The following IGF1R variants were observed in gnomAD, a reference collection of about 807,000 sequenced individuals.
IGF1R encodes insulin like growth factor 1 receptor, also known as insulin-like growth factor 1 receptor.
A neutral mutation model predicts 144.6 loss-of-function variants in IGF1R; 44 were observed. The ratio of observed to expected loss-of-function variants is 0.30; its 90% confidence interval spans 0.24 to 0.39. IGF1R has a LOEUF of 0.39. Among genes scored for constraint, IGF1R ranks in the 10% least tolerant of loss-of-function variants. IGF1R has a pLI of 1.00. For missense variants in IGF1R, 1,355 were observed against 1,833.7 expected (o/e 0.74, Z 4.77); for synonymous variants, 795 against 722.8 (o/e 1.10, Z -1.60).
chr15:98,960,071 CTT>C lies in IGF1R; in HGVS notation c.*2630_*2631del. The C allele has an allele frequency of 4.3e-6, 1 of 233,486 alleles. No individual in the cohort carries two copies. The highest frequency in any genetic ancestry group is 6.0e-5 in the East Asian group (1 of 16,570). The allele number at this position is 233,486 out of a possible 1,614,324, so 14.5% of individuals were successfully genotyped here. ...CCCCCAAACATTTATCTACCTCACT[CTT>C]ATTTTTTATATGTGTATATAGACAA... On this transcript the variant is annotated 3_prime_UTR_variant, in exon 21 of 21. Coordinates refer to ENST00000650285, the MANE Select transcript of IGF1R (RefSeq NM_000875.5).
At chr15:98,898,385 A>T (rs2014309213) in intron 4 of IGF1R, among the ~76,000 whole-genome samples, 1 of 152,212 alleles carries the variant, frequency 6.6e-6, no homozygotes, top group African/African-American at 2.4e-5. Flanking sequence ...GTTTATGTCC[A>T]TTGCAGGAAA....
chr15:98,840,537 A>C (rs1871396160), intron 2 of IGF1R, among the ~76,000 whole-genome samples: 2 of 151,730 alleles, frequency 1.3e-5, no homozygotes, highest in Admixed American at 6.6e-5. Flanking sequence ...GCAACCTCCA[A>C]CTCCTGGGTT....
intron 2 of IGF1R, among the ~76,000 whole-genome samples, chr15:98,769,598 C>G (rs1047616049): frequency 2.0e-5 from 3 of 152,162 alleles, no homozygotes; most frequent in South Asian, 4.1e-4. Context: ...GCGTGTTGTA[C>G]TGCTAGTAAT....
intron 2 of IGF1R, among the ~76,000 whole-genome samples, chr15:98,846,046 A>G (rs1439333874): frequency 1.3e-5 from 2 of 152,208 alleles, no homozygotes; most frequent in Non-Finnish European, 2.9e-5. Flanking sequence ...TTTTTCTAAA[A>G]GACAGTAATA....
At chr15:98,769,092 T>C (rs973221927) in intron 2 of IGF1R, among the ~76,000 whole-genome samples, 1 of 152,254 alleles carries the variant, frequency 6.6e-6, no homozygotes, top group Non-Finnish European at 1.5e-5. Flanking sequence ...ATAAAATCTC[T>C]AAATCAAAAT....
chr15:98,817,976 G>A (rs981628465), intron 2 of IGF1R, among the ~76,000 whole-genome samples: 1 of 152,190 alleles, frequency 6.6e-6, no homozygotes, highest in Non-Finnish European at 1.5e-5. Flanking sequence ...ACAAGGTCTG[G>A]TTCTAGTGAG....
At chr15:98,826,948 A>C (rs2056904629) in intron 2 of IGF1R, among the ~76,000 whole-genome samples, 1 of 152,226 alleles carries the variant, frequency 6.6e-6, no homozygotes, top group Non-Finnish European at 1.5e-5. Flanking sequence ...GTCTGGCCAT[A>C]CGGCTGCCTA....
chr15:98,811,055 CTT>C (rs1456782115), intron 2 of IGF1R, among the ~76,000 whole-genome samples: 1 of 151,794 alleles, frequency 6.6e-6, no homozygotes, highest in Non-Finnish European at 1.5e-5. Context: ...AATCCCAGCA[CTT>C]TGAGAGGCTG....
At chr15:98,689,733 T>G (rs1567077303) in intron 1 of IGF1R, among the ~76,000 whole-genome samples, 1 of 152,214 alleles carries the variant, frequency 6.6e-6, no homozygotes, top group Non-Finnish European at 1.5e-5. Flanking sequence ...TGCCCCCTTA[T>G]ATAGGTCTCT....
At chr15:98,754,364 C>A (rs1282999112) in intron 2 of IGF1R, among the ~76,000 whole-genome samples, 1 of 152,156 alleles carries the variant, frequency 6.6e-6, no homozygotes, top group Non-Finnish European at 1.5e-5. Context: ...CCAAAAGAGT[C>A]TTAAGCGATC....
At chr15:98,797,583 C>T (rs2056274146) in intron 2 of IGF1R, among the ~76,000 whole-genome samples, 1 of 152,152 alleles carries the variant, frequency 6.6e-6, no homozygotes, top group Non-Finnish European at 1.5e-5. Flanking sequence ...CAAGGCATTC[C>T]ATGCACATGC....
At chr15:98,663,600 T>C (rs1320977618) in intron 1 of IGF1R, among the ~76,000 whole-genome samples, 1 of 152,212 alleles carries the variant, frequency 6.6e-6, no homozygotes, top group South Asian at 2.1e-4. Flanking sequence ...AGCGCTGTTG[T>C]TGTTCGTTTG....
chr15:98,882,945 G>C (rs1048934551), intron 2 of IGF1R, among the ~76,000 whole-genome samples: 6 of 152,202 alleles, frequency 3.9e-5, no homozygotes, highest in African/African-American at 1.4e-4. Context: ...ATTCTGCTCA[G>C]GTGTACCTTT....
At chr15:98,797,267 C>T (rs531781760) in intron 2 of IGF1R, among the ~76,000 whole-genome samples, 24 of 152,346 alleles carry the variant, frequency 1.6e-4, no homozygotes, top group African/African-American at 5.1e-4. Flanking sequence ...GTGTTGGCCC[C>T]TGGGCTGCAG....
intron 2 of IGF1R, among the ~76,000 whole-genome samples, chr15:98,719,213 T>A (rs1431639383): frequency 6.6e-6 from 1 of 152,180 alleles, no homozygotes; most frequent in Non-Finnish European, 1.5e-5. Context: ...GTACTGAGTG[T>A]GTTTTTCCAC....
chr15:98,752,707 G>GTGAGCC (rs1209640587), intron 2 of IGF1R, among the ~76,000 whole-genome samples: 1 of 151,652 alleles, frequency 6.6e-6, no homozygotes, highest in Non-Finnish European at 1.5e-5. Context: ...AAGAAAGTAT[G>GTGAGCC]TGAGCCTTAT....
At chr15:98,902,125 G>A (rs1002181200) in intron 5 of IGF1R, among the ~76,000 whole-genome samples, 17 of 152,046 alleles carry the variant, frequency 1.1e-4, no homozygotes, top group African/African-American at 4.1e-4. Flanking sequence ...ATTGGGGGTG[G>A]GGGCAGGGGT....
At chr15:98,755,601 C>T (rs953175280) in intron 2 of IGF1R, among the ~76,000 whole-genome samples, 4 of 151,302 alleles carry the variant, frequency 2.6e-5, no homozygotes, top group Admixed American at 6.6e-5. Flanking sequence ...ATTAGCTGGG[C>T]GTGGTGGCAG....
intron 2 of IGF1R, among the ~76,000 whole-genome samples, chr15:98,810,554 CTTT>C (rs1289249437): frequency 4.3e-5 from 6 of 138,678 alleles, no homozygotes; most frequent in Admixed American, 7.2e-5. Flanking sequence ...CTTTTCTTTT[CTTT>C]TTTTTTTTTT....
Sources: allele counts gnomAD v4.1 joint callset (sites outside exome capture counted in the v4.1 genomes callset), GRCh38; gene constraint gnomAD v4.1.1; transcripts MANE v1.5; gene names NCBI Gene and HGNC (gene_info 2026-07-23, HGNC 2026-07-21).